The following CHTF18 variants were observed in gnomAD, a reference collection of about 807,000 sequenced individuals.
The protein encoded by CHTF18 is chromosome transmission fidelity protein 18 homolog.
CHTF18 carries 151 observed loss-of-function variants against 113.4 expected under a neutral mutation model. That is an observed-to-expected ratio of 1.33 (90% CI 1.17 to 1.52). CHTF18 has a LOEUF of 1.52. Among genes scored for constraint, CHTF18 ranks in the 40% most tolerant of loss-of-function variants. The pLI is 0.00. For synonymous variants in CHTF18, 916 were observed against 598.8 expected (o/e 1.53, Z -7.74); for missense variants, 1,982 against 1,381.6 (o/e 1.43, Z -6.89).
At position 792,571 on chromosome 16, in the gene CHTF18, A is replaced by C; in HGVS notation, c.1459A>C (p.Ile487Leu). 1.9e-6 allele frequency: 3 copies of C among 1,596,392 alleles called. No homozygotes were observed. The highest frequency in any genetic ancestry group is 1.7e-4 in the Middle Eastern group (1 of 5,960). ...AEGGLLMRPI[I>L]CICNDQFAPS... ...GGGGGGGCTCCTCATGAGGCCCATT[A>C]TCTGCATTTGCAATGACCAGTGAGT... The change falls in exon 11 of 22, where the codon ATC becomes CTC. Residue 487 changes from isoleucine to leucine, a missense_variant. Ile to Leu is a conservative substitution (Grantham distance 5, BLOSUM62 2). Transcript: ENST00000262315.
In CHTF18 at chr16:795,816, T is replaced by C; in HGVS notation, c.2307T>C (p.Leu769=). The change falls in exon 17 of 22, where the codon CTT becomes CTC. Residue 769 remains leucine, a synonymous_variant. Coordinates refer to ENST00000262315, the MANE Select transcript of CHTF18 (RefSeq NM_022092.3). ...CCCTCTGCCTGCTCCTGGACATTCT[T>C]GCACCCAAGCTCCGCCCCGTGAGTG... ...LDALCLLLDI[L]APKLRPVSTQ... 1.2e-6 allele frequency: 2 copies of C among 1,609,740 alleles called. No homozygotes were observed. The highest frequency in any genetic ancestry group is 2.2e-5 in the East Asian group (1 of 44,666).
Position 795,747 on chromosome 16 carries a change from A to AGCCACGCGCAGCCGG in CHTF18, c.2246_2260dup (p.Arg749_Thr753dup). ...AGACGCTGGTGTCCGGCATCGCGCC[A>AGCCACGCGCAGCCGG]GCCACGCGCAGCCGGGCCACGCCCC... On this transcript the variant is annotated inframe_insertion, in exon 17 of 22. Coordinates refer to ENST00000262315, the MANE Select transcript of CHTF18 (RefSeq NM_022092.3). 1 of 1,607,534 alleles carries AGCCACGCGCAGCCGG rather than the reference A, an allele frequency of 6.2e-7. No individual in the cohort carries two copies. Among genetic ancestry groups the AGCCACGCGCAGCCGG allele is most frequent in the Non-Finnish European group, 8.5e-7 (1 of 1,178,344 alleles).
intron 14 of CHTF18, among the ~76,000 whole-genome samples, 190 bp downstream of exon 14, chr16:793,464 G>T (rs1251097409): frequency 1.3e-5 from 2 of 152,134 alleles, no homozygotes; most frequent in African/African-American, 4.8e-5. Flanking sequence ...GCCTTGGGGG[G>T]TCAGCTAGAG....
chr16:792,367 G>T lies in CHTF18; in HGVS notation c.1326+20G>T. The T allele has an allele frequency of 6.4e-7, 1 of 1,559,754 alleles. No homozygotes were observed. ...CCCGTGGTGGGCTCCTTGATGCCTG[G>T]GTAGGTGGGTGGGCGGGCAGGCAGG... On this transcript the variant is annotated intron_variant, in intron 10 of 21. Transcript: ENST00000262315.
rs3833825 is a variant in CHTF18 at position 793,084 on chromosome 16, C to CGGGTGGGGTG, written c.1671+30_1671+39dup. ...CTGCAGGTGGGCGGCCGGCAGGCAC[C>CGGGTGGGGTG]GGGTGGGGTGGGGTGGGGTCAGGAG... On this transcript the variant is annotated intron_variant, in intron 13 of 21. Coordinates refer to ENST00000262315, the MANE Select transcript of CHTF18 (RefSeq NM_022092.3). 25 of 938,262 alleles carry CGGGTGGGGTG rather than the reference C, an allele frequency of 2.7e-5. No individual in the cohort carries two copies. Among genetic ancestry groups the CGGGTGGGGTG allele is most frequent in the Non-Finnish European group, 3.5e-5 (22 of 634,870 alleles). The allele number at this position is 938,262 out of a possible 1,614,324, so 58.1% of individuals were successfully genotyped here. A position where few individuals can be genotyped will look rare whatever the true frequency, so the allele number is the denominator to read the frequency against.
intron 5 of CHTF18, 21 bp downstream of exon 5, chr16:790,290 G>T: frequency 1.2e-6 from 2 of 1,607,850 alleles, no homozygotes; most frequent in African/African-American, 2.7e-5. Context: ...CGGGTTTGCT[G>T]GGGGGCGGTG....
intron 19 of CHTF18, 21 bp downstream of exon 19, chr16:796,882 G>A (rs1304000882): frequency 1.3e-6 from 2 of 1,576,586 alleles, no homozygotes; most frequent in African/African-American, 2.7e-5. Flanking sequence ...CCAGGCTCTG[G>A]AGCAGGTTGC....
chr16:797,891 G>A lies in CHTF18; in HGVS notation c.2844G>A (p.Val948=). 6.2e-7 allele frequency: 1 copy of A among 1,611,032 alleles called. No individual in the cohort carries two copies. The highest frequency in any genetic ancestry group is 8.5e-7 in the Non-Finnish European group (1 of 1,179,254). ...DSVERRMGTA[V]GRSEVWFRFN... ...TGGAGCGGCGCATGGGCACAGCGGTGGGCAGGAGCGAGGTCTGGTTCCGCT... is the reference window on the plus strand; with the variant it reads ...TGGAGCGGCGCATGGGCACAGCGGTAGGCAGGAGCGAGGTCTGGTTCCGCT... The change falls in exon 22 of 22, where the codon GTG becomes GTA. Residue 948 remains valine, a synonymous_variant. Transcript: ENST00000262315.
chr16:791,301 G>A lies in CHTF18; in HGVS notation c.1035G>A (p.Lys345=), dbSNP rs768137200. The A allele has an allele frequency of 6.2e-6, 10 of 1,610,714 alleles. No individual in the cohort carries two copies. The highest frequency in any genetic ancestry group is 3.3e-4 in the Middle Eastern group (2 of 5,996). ...AGGCCACAGCCCCAGGCAAGTGGAAGAGCCACGAACAGGTGCTGGAGGAGA... is the reference window on the plus strand; with the variant it reads ...AGGCCACAGCCCCAGGCAAGTGGAAAAGCCACGAACAGGTGCTGGAGGAGA... ...SKEATAPGKW[K]SHEQVLEEML... The change falls in exon 8 of 22, where the codon AAG becomes AAA. Residue 345 remains lysine (K), a synonymous_variant. Coordinates refer to ENST00000262315, the MANE Select transcript of CHTF18 (RefSeq NM_022092.3).
chr16:794,000 G>T (rs1041040917), intron 14 of CHTF18, 54 bp from the exon 15 acceptor site: 14 of 1,574,542 alleles, frequency 8.9e-6, no homozygotes, highest in South Asian at 6.9e-5. Context: ...GAGACGGGTG[G>T]GGCTGCCTGT....
At position 792,283 on chromosome 16, in the gene CHTF18, C is replaced by T. The variant is rs778877472; in HGVS notation, c.1262C>T (p.Ser421Leu). ...ATCGAGGCGGCCACCCAGATGGAGT[C>T]GGTGCTGGGTGCTGGCGGGAAGCCC... ...TRIEAATQMESVLGAGGKPNC... is the reference protein window; with the variant it reads ...TRIEAATQMELVLGAGGKPNC... Residue 421 changes from serine (S) to leucine (L), a missense_variant, in exon 10 of 22, where the codon TCG (serine) becomes TTG (leucine). Transcript: ENST00000262315. 8 of 1,558,960 alleles carry T rather than the reference C, an allele frequency of 5.1e-6. No individual in the cohort carries two copies. The highest frequency in any genetic ancestry group is 5.2e-6 in the Non-Finnish European group (6 of 1,152,372).
At chr16:794,688 A>T in intron 15 of CHTF18, 1 of 228,500 alleles carries the variant, frequency 4.4e-6, no homozygotes. Context: ...AAAAGCCGCG[A>T]TGTGGAGGGG....
chr16:789,217 G>C lies in CHTF18; in HGVS notation c.294G>C (p.Arg98Ser), dbSNP rs1189589392. The C allele has an allele frequency of 2.6e-6, 4 of 1,551,438 alleles. No homozygotes were observed. The highest frequency in any genetic ancestry group is 2.0e-5 in the Admixed American group (1 of 51,136). The change falls in exon 3 of 22, where the codon AGG (arginine) becomes AGC (serine). Residue 98 changes from arginine to serine, a missense_variant. Physicochemically the swap from Arg to Ser is moderately radical, Grantham distance 110 (BLOSUM62 -1). Transcript: ENST00000262315. ...QPAGSLPHAP[R>S]IKRPRLQVVK... is the part of the protein sequence containing the mutation. ...TGCATGTGTCTCCCCCAGCCCCCAGGATCAAACGGCCTAGGCTGCAGGTGG... is the reference window on the plus strand; with the variant it reads ...TGCATGTGTCTCCCCCAGCCCCCAGCATCAAACGGCCTAGGCTGCAGGTGG...
intron 9 of CHTF18, 87 bp from the exon 10 acceptor site, chr16:792,137 C>A: frequency 6.6e-7 from 1 of 1,525,776 alleles, no homozygotes; most frequent in African/African-American, 1.4e-5. Flanking sequence ...GTGACGGTCT[C>A]CACGCAAATG....
intron 4 of CHTF18, 164 bp from the exon 5 acceptor site, chr16:790,013 C>CAG: frequency 6.5e-7 from 1 of 1,535,520 alleles, no homozygotes; most frequent in Non-Finnish European, 8.7e-7. Context: ...GCAGCTGACC[C>CAG]ATCTGGATGG....
At position 796,075 on chromosome 16, in the gene CHTF18, G is replaced by A. The variant is rs775300336; in HGVS notation, c.2454G>A (p.Glu818=). Residue 818 remains glutamate (E), a splice_region_variant and synonymous_variant, in exon 18 of 22, where the codon GAG becomes GAA. Transcript: ENST00000262315. The stretch of plus-strand genomic sequence containing the variant: ...ATGGCCAGTACATCTACAGGCTGGA[G>A]CCGTGAGTCCCCCAGTGCCTGGGGT... ...TPDGQYIYRL[E]PNVEELCRFP... The A allele has an allele frequency of 6.2e-7, 1 of 1,600,916 alleles. No homozygotes were observed. The highest frequency in any genetic ancestry group is 8.5e-7 in the Non-Finnish European group (1 of 1,174,882).
chr16:788,907 G>T (rs1446967307), intron 1 of CHTF18, 24 bp from the exon 2 acceptor site: 6 of 1,514,502 alleles, frequency 4.0e-6, no homozygotes, highest in Non-Finnish European at 5.3e-6. Context: ...CGGGGCGGCC[G>T]CTGACAATCT....
Position 795,133 on chromosome 16 carries a change from G to C in CHTF18, c.1952G>C (p.Gly651Ala). 2 of 1,545,632 alleles carry C rather than the reference G, an allele frequency of 1.3e-6. No homozygotes were observed. The highest frequency in any genetic ancestry group is 1.7e-6 in the Non-Finnish European group (2 of 1,144,676). Reference protein sequence around the residue: ...SAGEHEKVVQGLFDNFLRLRL... With the variant: ...SAGEHEKVVQALFDNFLRLRL... Reference sequence around the variant, plus strand: ...TCAGGGGTTGCCGGCCGCCTGCAGGGCTTGTTTGACAACTTCCTGCGTCTG... The same window carrying C: ...TCAGGGGTTGCCGGCCGCCTGCAGGCCTTGTTTGACAACTTCCTGCGTCTG... The change falls in exon 16 of 22, where the codon GGC (glycine) becomes GCC (alanine). Residue 651 changes from glycine to alanine, a missense_variant and splice_region_variant. Transcript: ENST00000262315.
At chr16:793,652 G>A (rs546012739) in intron 14 of CHTF18, 1 of 529,314 alleles carries the variant, frequency 1.9e-6, no homozygotes, top group Non-Finnish European at 3.5e-6. Flanking sequence ...GGCCTCCCGT[G>A]GGCAGGAGCA....
Sources: allele counts gnomAD v4.1 joint callset (sites outside exome capture counted in the v4.1 genomes callset), GRCh38; gene constraint gnomAD v4.1.1; transcripts MANE v1.5; gene names NCBI Gene and HGNC (gene_info 2026-07-23, HGNC 2026-07-21).